The following RESF1 variants were observed in gnomAD, a reference collection of about 807,000 sequenced individuals.
RESF1 encodes the protein gonad expressed transcript.
In RESF1, 65 loss-of-function variants were observed where a neutral mutation model predicts 134.7. That is an observed-to-expected ratio of 0.48 (90% CI 0.40 to 0.59). The LOEUF is 0.59. RESF1 is among the 20% of genes least tolerant of loss of function. The pLI is 0.00. For missense variants in RESF1, 2,274 were observed against 2,002.7 expected (o/e 1.14, Z -2.59); for synonymous variants, 762 against 702.2 (o/e 1.09, Z -1.35).
At chr12:31,991,487 G>T (rs1940091584) in intron 5 of RESF1, among the ~76,000 whole-genome samples, 1 of 152,188 alleles carries the variant, frequency 6.6e-6, no homozygotes, top group South Asian at 2.1e-4. Context: ...AATAGCTGCA[G>T]CAGGAATGAA....
intron 3 of RESF1, among the ~76,000 whole-genome samples, chr12:31,978,943 C>T (rs531376866): frequency 1.8e-4 from 20 of 111,072 alleles, no homozygotes; most frequent in South Asian, 5.8e-4. Context: ...TTTTTTGAAA[C>T]GGAGTCTAGC....
In RESF1 at chr12:31,982,317, AC is replaced by A; in HGVS notation, c.1366del (p.Gln456ArgfsTer2). The A allele has an allele frequency of 6.2e-7, 1 of 1,614,132 alleles. No homozygotes were observed. The highest frequency in any genetic ancestry group is 8.5e-7 in the Non-Finnish European group (1 of 1,180,024). On this transcript the variant is annotated frameshift_variant, in exon 4 of 6. Transcript: ENST00000312561. LOFTEE classifies it high-confidence loss of function. ...AACAAACTGCCAAAATCCAGTCTGG[AC>A]CCCAGATAACTCCAGTAATGCCAGA... is the stretch of plus-strand genomic sequence containing the variant. ...LKQTAKIQSG[P>X]QITPVMPENA...
Position 31,967,620 on chromosome 12 carries a change from A to AC in RESF1, c.-246-2564dup, listed in dbSNP as rs575317044. ...GAGGGGCAGCCCTGCACGCCCGCCC[A>AC]CCCCCACCCCCCACAACACCAGCCT... On this transcript the variant is annotated intron_variant, in intron 2 of 5. Transcript: ENST00000312561. Among the ~76,000 whole-genome samples, 29 of 46,668 alleles carry AC rather than the reference A, an allele frequency of 6.2e-4. 1 individual carries two copies. In the South Asian group the frequency reaches 0.022, roughly 35 times the overall value. The allele number at this position is 46,668 out of a possible 152,430, so 30.6% of individuals were successfully genotyped here. A position where few individuals can be genotyped will look rare whatever the true frequency, so the allele number is the denominator to read the frequency against.
At chr12:31,969,924 G>A (rs1939471821) in intron 2 of RESF1, among the ~76,000 whole-genome samples, 1 of 152,178 alleles carries the variant, frequency 6.6e-6, no homozygotes, top group Admixed American at 6.5e-5. Context: ...TTCTATTCAT[G>A]TGTATGTGTG....
At chr12:31,978,507 A>G (rs1939688501) in intron 3 of RESF1, among the ~76,000 whole-genome samples, 1 of 151,898 alleles carries the variant, frequency 6.6e-6, no homozygotes, top group East Asian at 1.9e-4. Flanking sequence ...TTCCATCTTT[A>G]TAATTTTTTA....
chr12:31,985,354 A>G lies in RESF1; in HGVS notation c.4399A>G (p.Ile1467Val), dbSNP rs1438702605. The G allele has an allele frequency of 2.5e-6, 4 of 1,609,668 alleles. No homozygotes were observed. Among genetic ancestry groups the G allele is most frequent in the Admixed American group, 1.7e-5 (1 of 58,706 alleles). The change falls in exon 4 of 6, where the codon ATC (isoleucine) becomes GTC (valine). Residue 1467 changes from isoleucine (I) to valine (V), a missense_variant. By Grantham distance (29) the Ile-to-Val change is conservative. Coordinates refer to ENST00000312561, the MANE Select transcript of RESF1 (RefSeq NM_018169.4). The stretch of plus-strand genomic sequence containing the variant: ...TCTGAGTAATAAAGCATCGAAGAAA[A>G]TCTGTGTGAAAAACGTGCCATGTGA... ...EALSNKASKK[I>V]CVKNVPCDSE...
intron 2 of RESF1, among the ~76,000 whole-genome samples, chr12:31,966,815 A>T (rs1341935885): frequency 6.6e-6 from 1 of 151,936 alleles, no homozygotes; most frequent in Non-Finnish European, 1.5e-5. Context: ...AGGATATCTG[A>T]TTGGATGGCC....
chr12:31,978,922 T>TTA (rs35367470), intron 3 of RESF1, among the ~76,000 whole-genome samples: 1 of 46,990 alleles, frequency 2.1e-5, no homozygotes, highest in Non-Finnish European at 5.7e-5. Context: ...GATCTCATGA[T>TTA]TTTTTTTTTT....
At chr12:31,966,240 G>A (rs111973468) in intron 2 of RESF1, among the ~76,000 whole-genome samples, 1,953 of 152,236 alleles carry the variant, frequency 0.013, 43 homozygotes, top group African/African-American at 0.045. Flanking sequence ...AGCCGTCTTG[G>A]GCTGCATGCT....
rs1812155787 is a variant in RESF1 at position 31,981,071 on chromosome 12, CT to C, written c.119del (p.Phe40SerfsTer25). On this transcript the variant is annotated frameshift_variant, in exon 4 of 6. Transcript: ENST00000312561. LOFTEE classifies it high-confidence loss of function. ...INQITTTSQSSFSYPGSNQEA... is the reference protein window; with the variant it reads ...INQITTTSQSXFSYPGSNQEA... ...CAAATTACCACAACATCTCAGAGTT[CT>C]TTCAGCTATCCTGGAAGTAACCAAG... is the stretch of plus-strand genomic sequence containing the variant. 1 of 1,614,052 alleles carries C rather than the reference CT, an allele frequency of 6.2e-7. No individual in the cohort carries two copies. Among genetic ancestry groups the C allele is most frequent in the African/African-American group, 1.3e-5 (1 of 74,944 alleles).
rs374760675 is a variant in RESF1 at position 31,981,537 on chromosome 12, G to A, written c.582G>A (p.Gln194=). ...TTAACCAGTCTTTTTCAGAGCAACA[G>A]GTTGATTGGACACAACAGTGTATAT... is the stretch of plus-strand genomic sequence containing the variant. ...QGLNQSFSEQ[Q]VDWTQQCISK... Residue 194 remains glutamine, a synonymous_variant, in exon 4 of 6, where the codon CAG becomes CAA. Transcript: ENST00000312561. The A allele has an allele frequency of 3.8e-5, 62 of 1,614,100 alleles. 2 individuals are homozygous for A. In the East Asian group the frequency reaches 5.6e-4, roughly 15 times the overall value.
intron 5 of RESF1, among the ~76,000 whole-genome samples, chr12:31,990,736 GCCA>G (rs1165924209): frequency 6.6e-6 from 1 of 152,206 alleles, no homozygotes; most frequent in Non-Finnish European, 1.5e-5. Context: ...ACTGCGCCCG[GCCA>G]CATGGGCATT....
chr12:31,962,415 T>A (rs774321769), intron 2 of RESF1: 14 of 152,290 alleles, frequency 9.2e-5, no homozygotes, highest in Non-Finnish European at 5.9e-5. Flanking sequence ...TGGAAGAAGA[T>A]TGTGAAGAAA....
At chr12:31,990,000 T>G (rs952943780) in intron 5 of RESF1, among the ~76,000 whole-genome samples, 2 of 152,048 alleles carry the variant, frequency 1.3e-5, no homozygotes, top group African/African-American at 4.8e-5. Flanking sequence ...ACAATGCCTC[T>G]CGGGTTGGAA....
intron 5 of RESF1, among the ~76,000 whole-genome samples, chr12:31,991,809 G>C (rs1002523481): frequency 1.3e-5 from 2 of 152,140 alleles, no homozygotes; most frequent in South Asian, 2.1e-4. Flanking sequence ...TGGCCTCCCA[G>C]AGTGCTGGGA....
At chr12:31,960,240 C>A (rs564393404) in intron 1 of RESF1, among the ~76,000 whole-genome samples, 1 of 152,274 alleles carries the variant, frequency 6.6e-6, no homozygotes, top group South Asian at 2.1e-4. Flanking sequence ...GGAATCATTT[C>A]CGTGAAAACA....
chr12:31,990,883 A>G (rs1283368754), intron 5 of RESF1, among the ~76,000 whole-genome samples: 1 of 151,940 alleles, frequency 6.6e-6, no homozygotes, highest in Non-Finnish European at 1.5e-5. Context: ...AATGCCATGA[A>G]CTCCCAATCT....
intron 5 of RESF1, among the ~76,000 whole-genome samples, chr12:31,992,038 A>G (rs914232088): frequency 5.9e-5 from 9 of 152,184 alleles, no homozygotes; most frequent in Non-Finnish European, 1.3e-4. Flanking sequence ...TACTCTTTGT[A>G]TTGCTAATTT....
chr12:31,987,449 AGTGTTT>A (rs1271774492), intron 5 of RESF1, 127 bp downstream of exon 5: 8 of 602,206 alleles, frequency 1.3e-5, no homozygotes, highest in Non-Finnish European at 2.0e-5. Context: ...TCAGTCATTC[AGTGTTT>A]GTGTTTGAGT....
Sources: allele counts gnomAD v4.1 joint callset (sites outside exome capture counted in the v4.1 genomes callset), GRCh38; gene constraint gnomAD v4.1.1; transcripts MANE v1.5; gene names NCBI Gene and HGNC (gene_info 2026-07-23, HGNC 2026-07-21).